DIP2C: variants seen among roughly 807,000 people sequenced by gnomAD.
DIP2C encodes the protein disco-interacting protein 2 homolog C.
DIP2C carries 33 observed loss-of-function variants against 192.4 expected under a neutral mutation model. The observed-to-expected ratio is 0.17, with a 90% CI of 0.13 to 0.23. The LOEUF is 0.23. Among genes scored for constraint, DIP2C ranks in the 10% least tolerant of loss-of-function variants. The pLI is 1.00. For synonymous variants in DIP2C, 979 were observed against 864.1 expected (o/e 1.13, Z -2.33); for missense variants, 1,537 against 2,110.1 (o/e 0.73, Z 5.32).
At chr10:321,575 GGGTGCGGGGCT>G in intron 31 of DIP2C, among the ~76,000 whole-genome samples, 1 of 127,982 alleles carries the variant, frequency 7.8e-6, no homozygotes, top group African/African-American at 3.0e-5. Flanking sequence ...AGTCAGTCGG[GGGTGCGGGGCT>G]CCAGCGAGAG....
chr10:405,206 C>T (rs940644980), intron 9 of DIP2C, among the ~76,000 whole-genome samples: 1 of 152,246 alleles, frequency 6.6e-6, no homozygotes, highest in African/African-American at 2.4e-5. Flanking sequence ...GGCCAGACGG[C>T]GATCAGCCCT....
At chr10:639,808 C>T (rs1453966127) in intron 1 of DIP2C, among the ~76,000 whole-genome samples, 1 of 152,194 alleles carries the variant, frequency 6.6e-6, no homozygotes, top group Non-Finnish European at 1.5e-5. Context: ...CACAAATCAG[C>T]GACATCACTA....
intron 1 of DIP2C, among the ~76,000 whole-genome samples, chr10:534,470 G>A (rs1299688907): frequency 6.6e-6 from 1 of 152,166 alleles, no homozygotes; most frequent in Non-Finnish European, 1.5e-5. Context: ...GTCCCTGTTA[G>A]AAAGAAGTTA....
At chr10:355,037 A>C (rs911935651) in intron 24 of DIP2C, among the ~76,000 whole-genome samples, 1 of 152,008 alleles carries the variant, frequency 6.6e-6, no homozygotes, top group Non-Finnish European at 1.5e-5. Flanking sequence ...GAGAAAGATG[A>C]AAAGTGGAAG....
chr10:351,422 G>A (rs748936804), intron 24 of DIP2C, among the ~76,000 whole-genome samples: 1 of 152,176 alleles, frequency 6.6e-6, no homozygotes, highest in Non-Finnish European at 1.5e-5. Flanking sequence ...GAGGACCTCT[G>A]CGCCAGGGCC....
intron 1 of DIP2C, among the ~76,000 whole-genome samples, chr10:606,221 G>A (rs1444182198): frequency 2.6e-5 from 4 of 151,890 alleles, no homozygotes; most frequent in Non-Finnish European, 2.9e-5. Context: ...AGCAGCACCT[G>A]GCTCATGGGC....
At chr10:572,604 G>A (rs1849894269) in intron 1 of DIP2C, among the ~76,000 whole-genome samples, 1 of 152,178 alleles carries the variant, frequency 6.6e-6, no homozygotes. Context: ...GACTTTGTAT[G>A]TACACTGTAA....
In DIP2C at chr10:689,353, G is replaced by A. The variant is rs936960304; in HGVS notation, c.85+141C>T. On this transcript the variant is annotated intron_variant, in intron 1 of 36. Coordinates refer to ENST00000280886, the MANE Select transcript of DIP2C (RefSeq NM_014974.3). The surrounding 1 kb of genome is among the most constrained non-coding windows in gnomAD (Gnocchi z 6.1). ...GGGCGCGGGGTCTGGGGGTCCGGGGGACGCGCACGCTCCGGGCTGGGGTCG... is the reference window on the plus strand; with the variant it reads ...GGGCGCGGGGTCTGGGGGTCCGGGGAACGCGCACGCTCCGGGCTGGGGTCG... 1.8e-5 allele frequency: 6 copies of A among 342,082 alleles called. No homozygotes were observed. The highest frequency in any genetic ancestry group is 6.7e-5 in the African/African-American group (3 of 44,562). 21.2% of individuals were successfully genotyped at this position (342,082 alleles called of 1,614,324 possible).
At chr10:499,374 A>G (rs988350663) in intron 1 of DIP2C, among the ~76,000 whole-genome samples, 5 of 152,210 alleles carry the variant, frequency 3.3e-5, no homozygotes, top group Non-Finnish European at 5.9e-5. Context: ...ACGCTGCTAT[A>G]AAGAACTGCC....
intron 3 of DIP2C, among the ~76,000 whole-genome samples, chr10:446,821 AGAT>A (rs1258780470): frequency 6.6e-6 from 1 of 152,200 alleles, no homozygotes; most frequent in Non-Finnish European, 1.5e-5. Context: ...GCATCTTCTG[AGAT>A]GATAAAATGG....
chr10:574,399 T>G (rs1013188860), intron 1 of DIP2C, among the ~76,000 whole-genome samples: 1 of 152,216 alleles, frequency 6.6e-6, no homozygotes, highest in Non-Finnish European at 1.5e-5. Context: ...GAATATGCTT[T>G]GGAAAGCAAT....
Position 387,773 on chromosome 10 carries a change from T to C in DIP2C, c.1634A>G (p.Asp545Gly). The C allele has an allele frequency of 6.2e-7, 1 of 1,614,208 alleles. No homozygotes were observed. Among genetic ancestry groups the C allele is most frequent in the Non-Finnish European group, 8.5e-7 (1 of 1,180,034 alleles). ...TIVNVLDFKK[D>G]VGLWHGILTS... ...CAGGATGCCATGCCAGAGCCCGACG[T>C]CCTTCTTGAAATCCAGCACATTCAC... The change falls in exon 14 of 37, where the codon GAC (aspartate) becomes GGC (glycine). Residue 545 changes from aspartate to glycine, a missense_variant. This residue lies in a region of DIP2C where 677 missense variants were observed against 989.9 expected (regional missense o/e 0.68). Coordinates refer to ENST00000280886, the MANE Select transcript of DIP2C (RefSeq NM_014974.3).
At chr10:391,759 A>C (rs540756334) in intron 10 of DIP2C, among the ~76,000 whole-genome samples, 1 of 152,320 alleles carries the variant, frequency 6.6e-6, no homozygotes, top group African/African-American at 2.4e-5. Flanking sequence ...GAACCCCTCA[A>C]TTATGGACCC....
rs1009154922 is a variant in DIP2C at position 331,645 on chromosome 10, T to C, written c.3585-2044A>G. Among the ~76,000 whole-genome samples the C allele has an allele frequency of 2.0e-5, 3 of 152,230 alleles. No homozygotes were observed. In the East Asian group the frequency reaches 5.8e-4, roughly 29 times the overall value. On this transcript the variant is annotated intron_variant, in intron 29 of 36. Coordinates refer to ENST00000280886, the MANE Select transcript of DIP2C (RefSeq NM_014974.3). The stretch of plus-strand genomic sequence containing the variant: ...GAGAGGAAGTGCATAGGTGATGTGC[T>C]CGTATGATGCCATTTTATATCAGGG...
At chr10:559,333 G>A (rs929835786) in intron 1 of DIP2C, among the ~76,000 whole-genome samples, 52 of 141,026 alleles carry the variant, frequency 3.7e-4, no homozygotes, top group African/African-American at 1.2e-3. Flanking sequence ...GGGGAACGCC[G>A]GGGGAACGCC....
intron 1 of DIP2C, among the ~76,000 whole-genome samples, chr10:590,331 A>G (rs1169229634): frequency 1.3e-5 from 2 of 152,204 alleles, no homozygotes; most frequent in Non-Finnish European, 2.9e-5. Flanking sequence ...GACTCAAAAT[A>G]CAGCTTCTAA....
intron 9 of DIP2C, among the ~76,000 whole-genome samples, chr10:401,186 T>A: frequency 7.1e-6 from 1 of 141,702 alleles, no homozygotes; most frequent in Non-Finnish European, 1.5e-5. Context: ...TGATTTTACA[T>A]GTGTGGTAGC....
intron 1 of DIP2C, among the ~76,000 whole-genome samples, chr10:619,623 A>G (rs750405592): frequency 1.4e-5 from 2 of 145,608 alleles, no homozygotes; most frequent in African/African-American, 5.1e-5. Context: ...GCAAGGGGTA[A>G]GTGCCCAGCT....
At chr10:301,859 C>T (rs1956066989) in intron 32 of DIP2C, among the ~76,000 whole-genome samples, 1 of 152,202 alleles carries the variant, frequency 6.6e-6, no homozygotes, top group Admixed American at 6.5e-5. Flanking sequence ...AAACCAGACA[C>T]CAGGAGGACG....
Sources: gnomAD v4.1 joint callset for allele counts (sites outside exome capture counted in the v4.1 genomes callset) on GRCh38, gnomAD v4.1.1 for gene constraint, gnomAD v4.1.1 regional missense constraint, Gnocchi (gnomAD v3.1) non-coding constraint, MANE v1.5 for transcripts, NCBI Gene and HGNC (gene_info 2026-07-23, HGNC 2026-07-21) for gene names.